Variants in TLCD4 observed in about 807,000 individuals in gnomAD.
The protein encoded by TLCD4 is TLC domain-containing protein 4.
TLCD4 carries 7 observed loss-of-function variants against 24.2 expected under a neutral mutation model. That is an observed-to-expected ratio of 0.29 (90% CI 0.16 to 0.54). TLCD4 has a LOEUF of 0.54. Among genes scored for constraint, TLCD4 ranks in the 20% least tolerant of loss-of-function variants. The pLI, the probability that TLCD4 is intolerant of heterozygous loss-of-function variation, is 0.95. For synonymous variants in TLCD4, 103 were observed against 106.4 expected, an observed-to-expected ratio of 0.97 and a Z score of 0.20; for missense variants, 259 against 313.9, an observed-to-expected ratio of 0.82 and a Z score of 1.32.
At chr1:95,141,526 G>A (rs1677197455) in intron 1 of TLCD4, among the ~76,000 whole-genome samples, 1 of 151,672 alleles carries the variant, frequency 6.6e-6, no homozygotes, top group Admixed American at 6.6e-5. Flanking sequence ...TTCCAATTTT[G>A]TGTCCATCTG....
At chr1:95,187,168 C>T (rs1257154455) in intron 6 of TLCD4, among the ~76,000 whole-genome samples, 1 of 152,212 alleles carries the variant, frequency 6.6e-6, no homozygotes, top group Non-Finnish European at 1.5e-5. Flanking sequence ...AAGGCTGATA[C>T]AGAGGGTCCC....
chr1:95,128,489 A>C (rs1197770066), intron 1 of TLCD4, among the ~76,000 whole-genome samples: 1 of 152,204 alleles, frequency 6.6e-6, no homozygotes, highest in African/African-American at 2.4e-5. Context: ...AATCCAGTTA[A>C]AATTACTGTA....
At chr1:95,152,393 G>C (rs552518131) in intron 5 of TLCD4, among the ~76,000 whole-genome samples, 1 of 151,900 alleles carries the variant, frequency 6.6e-6, no homozygotes, top group African/African-American at 2.4e-5. Flanking sequence ...TATCACTTAT[G>C]CAATAATGAG....
chr1:95,137,464 TG>T (rs1388347056), intron 1 of TLCD4, among the ~76,000 whole-genome samples: 2 of 152,182 alleles, frequency 1.3e-5, no homozygotes, highest in Non-Finnish European at 2.9e-5. Flanking sequence ...GGGTTATGTA[TG>T]TGCATGGAAG....
chr1:95,157,541 G>A (rs12088538), intron 5 of TLCD4, among the ~76,000 whole-genome samples: 2 of 152,080 alleles, frequency 1.3e-5, no homozygotes, highest in African/African-American at 2.4e-5. Flanking sequence ...CCATTGACTC[G>A]TAAGTTCTTA....
chr1:95,143,303 G>A (rs1321402982), intron 1 of TLCD4, among the ~76,000 whole-genome samples: 2 of 152,090 alleles, frequency 1.3e-5, no homozygotes, highest in East Asian at 3.9e-4. Flanking sequence ...AGACCCTATT[G>A]TCTTGCCTCA....
upstream of TLCD4, among the ~76,000 whole-genome samples, chr1:95,114,734 G>T (rs912379922): frequency 2.6e-5 from 4 of 151,804 alleles, no homozygotes; most frequent in African/African-American, 9.7e-5. Flanking sequence ...GGAGGCTGAA[G>T]CACGAGATCT....
At chr1:95,150,779 G>A (rs919316901) in intron 4 of TLCD4, among the ~76,000 whole-genome samples, 82 of 151,688 alleles carry the variant, frequency 5.4e-4, no homozygotes, top group African/African-American at 1.8e-3. Flanking sequence ...TTTTTTGTAC[G>A]ATTTGTTTTA....
chr1:95,158,188 CTT>C (rs5776255), intron 5 of TLCD4, among the ~76,000 whole-genome samples: 49,343 of 128,246 alleles, frequency 0.38, 9,067 homozygotes, highest in Middle Eastern at 0.5. Flanking sequence ...TTAATTTTTT[CTT>C]TTTTTTTTTT....
the TLCD4 span, among the ~76,000 whole-genome samples, chr1:95,100,618 T>C: frequency 6.6e-5 from 10 of 150,804 alleles, no homozygotes; most frequent in African/African-American, 2.5e-4. Context: ...AAATTCTACA[T>C]TGTTTAGAGG....
intron 5 of TLCD4, among the ~76,000 whole-genome samples, chr1:95,158,130 T>G (rs573967584): frequency 6.6e-6 from 1 of 152,158 alleles, no homozygotes; most frequent in Admixed American, 6.5e-5. Context: ...CAGTTCCTTT[T>G]AAAACTTTAA....
At chr1:95,182,845 A>G (rs915298951) in intron 6 of TLCD4, among the ~76,000 whole-genome samples, 16 of 152,042 alleles carry the variant, frequency 1.1e-4, no homozygotes, top group African/African-American at 3.6e-4. Flanking sequence ...TTTTTTAAGA[A>G]GTGGATGGAG....
the TLCD4 span, among the ~76,000 whole-genome samples, chr1:95,107,162 G>A: frequency 6.6e-6 from 1 of 152,182 alleles, no homozygotes; most frequent in African/African-American, 2.4e-5. Context: ...GGTGGCTCAC[G>A]CCTGTAATCC....
At chr1:95,133,788 C>T (rs1363694953) in intron 1 of TLCD4, among the ~76,000 whole-genome samples, 1 of 151,936 alleles carries the variant, frequency 6.6e-6, no homozygotes, top group East Asian at 1.9e-4. Flanking sequence ...ACACTGGCTT[C>T]AACCTTCTCA....
At chr1:95,119,843 A>G (rs990383259) in intron 1 of TLCD4, among the ~76,000 whole-genome samples, 1 of 151,000 alleles carries the variant, frequency 6.6e-6, no homozygotes, top group African/African-American at 2.4e-5. Flanking sequence ...CCCACATCCT[A>G]CAGATTAAGG....
At chr1:95,105,953 T>C in the TLCD4 span, among the ~76,000 whole-genome samples, 1 of 149,530 alleles carries the variant, frequency 6.7e-6, no homozygotes, top group African/African-American at 2.4e-5. Context: ...AGAAGACTAC[T>C]GCAAAGAGGA....
chr1:95,193,859 G>A lies in TLCD4; in HGVS notation c.*1991G>A, dbSNP rs1679102139. On this transcript the variant is annotated 3_prime_UTR_variant, in exon 7 of 7. Coordinates refer to ENST00000370203, the MANE Select transcript of TLCD4 (RefSeq NM_152487.3). Reference sequence around the variant, plus strand: ...ACTAGAGGGGGGTAGGAAAGCAAGCGGTTTTATCTTGTTCTTACCTTTTTG... The same window carrying A: ...ACTAGAGGGGGGTAGGAAAGCAAGCAGTTTTATCTTGTTCTTACCTTTTTG... The A allele has an allele frequency of 2.6e-5, 4 of 151,884 alleles. No individual in the cohort carries two copies. The highest frequency in any genetic ancestry group is 5.9e-5 in the Non-Finnish European group (4 of 67,904). 9.4% of individuals were successfully genotyped at this position (151,884 alleles called of 1,614,324 possible). A position where few individuals can be genotyped will look rare whatever the true frequency, so the allele number is the denominator to read the frequency against.
chr1:95,148,418 A>G (rs1298211513), intron 2 of TLCD4, among the ~76,000 whole-genome samples: 2 of 152,210 alleles, frequency 1.3e-5, no homozygotes, highest in Non-Finnish European at 2.9e-5. Flanking sequence ...TCATGTATGC[A>G]TTTATCTGTC....
At chr1:95,151,461 T>C (rs1354601388) in intron 5 of TLCD4, 42 bp downstream of exon 5, 8 of 1,595,692 alleles carry the variant, frequency 5.0e-6, no homozygotes, top group Non-Finnish European at 6.8e-6. Context: ...GCAGACAAGA[T>C]TGGGAATAGT....
Sources: gnomAD v4.1 joint callset for allele counts (sites outside exome capture counted in the v4.1 genomes callset) on GRCh38, gnomAD v4.1.1 for gene constraint, MANE v1.5 for transcripts, NCBI Gene and HGNC (gene_info 2026-07-23, HGNC 2026-07-21) for gene names.